Variants in QRICH2 observed in about 807,000 individuals in gnomAD.
QRICH2 encodes the protein glutamine-rich protein 2.
Under a neutral mutation model 168.3 loss-of-function variants are expected in QRICH2, and 119 were observed. The observed-to-expected ratio is 0.71, with a 90% CI of 0.61 to 0.82. QRICH2 has a LOEUF of 0.82. Among genes scored for constraint, QRICH2 ranks in the 40% least tolerant of loss-of-function variants. The pLI is 0.00. For missense variants in QRICH2, 2,241 were observed against 2,491.6 expected, an observed-to-expected ratio of 0.90 and a Z score of 2.14; for synonymous variants, 894 against 951.2, an observed-to-expected ratio of 0.94 and a Z score of 1.11.
rs2070794968 is a variant in QRICH2 at position 76,281,927 on chromosome 17, G to C, written c.4200C>G (p.Leu1400=). The change falls in exon 8 of 19, where the codon CTC becomes CTG. Residue 1400 remains leucine (L), a synonymous_variant. Coordinates refer to ENST00000680821, the MANE Select transcript of QRICH2 (RefSeq NM_001388453.1). The surrounding 1 kb of genome is among the most constrained non-coding windows in gnomAD (Gnocchi z 4.4). ...VSTLVRRYEQ[L]QDMVNSLAVS... ...CGGCCAGGCTGTTGACCATGTCTTG[G>C]AGTTGCTCATAGCGCCGCACCAGCG... 6.2e-7 allele frequency: 1 copy of C among 1,613,764 alleles called. No individual in the cohort carries two copies.
intron 3 of QRICH2, among the ~76,000 whole-genome samples, chr17:76,302,246 C>T (rs1479832201): frequency 6.6e-6 from 1 of 152,038 alleles, no homozygotes; most frequent in Admixed American, 6.6e-5. Flanking sequence ...ACAGGAGTCT[C>T]ATCTGATGCC....
In QRICH2 at chr17:76,292,604, T is replaced by G. The variant is rs757336918; in HGVS notation, c.2123A>C (p.His708Pro). The G allele has an allele frequency of 4.3e-6, 7 of 1,611,712 alleles. No homozygotes were observed. In the Admixed American group the frequency reaches 1.2e-4, roughly 27 times the overall value. ...IDVVQPGADQHGLVQSGADQS... is the reference protein window; with the variant it reads ...IDVVQPGADQPGLVQSGADQS... Reference sequence around the variant, plus strand: ...ATCTGCACCAGATTGTACCAAACCATGCTGATCTGCACCAGGTTGCACCAC... The same window carrying G: ...ATCTGCACCAGATTGTACCAAACCAGGCTGATCTGCACCAGGTTGCACCAC... The change falls in exon 4 of 19, where the codon CAT (histidine) becomes CCT (proline). Residue 708 changes from histidine (H) to proline (P), a missense_variant. His to Pro is a moderately conservative substitution (Grantham distance 77). This residue lies in a region of QRICH2 where 2,047 missense variants were observed against 2,303.8 expected (regional missense o/e 0.89). Transcript: ENST00000680821.
chr17:76,297,874 T>G (rs1196181506), intron 3 of QRICH2, among the ~76,000 whole-genome samples: 1 of 60,418 alleles, frequency 1.7e-5, no homozygotes, highest in South Asian at 7.0e-4. Context: ...GAATCTGTTT[T>G]TTTTTTTTTT....
chr17:76,275,907 G>T lies in QRICH2; in HGVS notation c.5394C>A (p.Pro1798=). Residue 1798 remains proline (P), a synonymous_variant, in exon 18 of 19, where the codon CCC becomes CCA. Transcript: ENST00000680821. ...TGAGGGATGGCGGCCTGTGCACGTG[G>T]GGCCTGGGCTGCTGGGACTTGCGCT... The part of the protein sequence containing the change: ...TSKRKSQQPR[P]HVHRPPSLSS... The T allele has an allele frequency of 1.9e-6, 3 of 1,609,122 alleles. No homozygotes were observed. The South Asian group carries it at 3.3e-5, about 18-fold the overall frequency.
At chr17:76,299,125 G>A (rs1032640862) in intron 3 of QRICH2, among the ~76,000 whole-genome samples, 1 of 152,020 alleles carries the variant, frequency 6.6e-6, no homozygotes, top group African/African-American at 2.4e-5. Context: ...ATTGTTTTCC[G>A]ATCGCCAACC....
chr17:76,278,420 G>A (rs913385883), intron 14 of QRICH2, among the ~76,000 whole-genome samples: 6 of 152,252 alleles, frequency 3.9e-5, no homozygotes, highest in Admixed American at 2.0e-4. Flanking sequence ...ATGGAAGAAA[G>A]CCCTGCTGCC....
intron 1 of QRICH2, among the ~76,000 whole-genome samples, chr17:76,305,190 G>C (rs1043206827): frequency 1.4e-5 from 2 of 142,342 alleles, no homozygotes; most frequent in African/African-American, 2.8e-5. Context: ...TTGAGACAGG[G>C]TCTTGCTCTG....
At position 76,281,009 on chromosome 17, in the gene QRICH2, T is replaced by C; in HGVS notation, c.4264-56A>G. 1.3e-6 allele frequency: 2 copies of C among 1,579,944 alleles called. No individual in the cohort carries two copies. The highest frequency in any genetic ancestry group is 1.7e-6 in the Non-Finnish European group (2 of 1,169,478). On this transcript the variant is annotated intron_variant, in intron 8 of 18. Coordinates refer to ENST00000680821, the MANE Select transcript of QRICH2 (RefSeq NM_001388453.1). The surrounding 1 kb of genome is among the most constrained non-coding windows in gnomAD (Gnocchi z 4.4). The stretch of plus-strand genomic sequence containing the variant: ...AGGCTGCTGGCGCGATCCCACCCCC[T>C]GCTGCCATAATATTGCTGCCCCAGG...
chr17:76,302,978 A>T (rs2070929906), intron 3 of QRICH2, among the ~76,000 whole-genome samples: 1 of 151,582 alleles, frequency 6.6e-6, no homozygotes, highest in Admixed American at 6.6e-5. Flanking sequence ...CCGCCTCCCG[A>T]GTTCAAGCGA....
rs556955779 is a variant in QRICH2 at position 76,275,898 on chromosome 17, G to A, written c.5403C>T (p.His1801=). Residue 1801 remains histidine (H), a synonymous_variant, in exon 18 of 19, where the codon CAC becomes CAT. Coordinates refer to ENST00000680821, the MANE Select transcript of QRICH2 (RefSeq NM_001388453.1). The stretch of plus-strand genomic sequence containing the variant: ...CATTGCTGCTGAGGGATGGCGGCCT[G>A]TGCACGTGGGGCCTGGGCTGCTGGG... The part of the protein sequence containing the change: ...RKSQQPRPHV[H]RPPSLSSNGQ... 7.5e-6 allele frequency: 12 copies of A among 1,609,126 alleles called. No individual in the cohort carries two copies. The East Asian group carries it at 2.2e-4, about 30-fold the overall frequency.
rs952309034 is a variant in QRICH2, at chr17:76,307,038, A to G, written c.534+427T>C. On this transcript the variant is annotated intron_variant, in intron 1 of 18. Transcript: ENST00000680821. The surrounding 1 kb of genome is among the most constrained non-coding windows in gnomAD (Gnocchi z 5.3). ...ATCTCTTCATGTCCTTATTCATTTT[A>G]AAAAGGGAATTCACTCTAAGAATCT... 6.6e-6 allele frequency among the ~76,000 whole-genome samples: 1 copy of G among 152,056 alleles called. No homozygotes were observed. The highest frequency in any genetic ancestry group is 1.5e-5 in the Non-Finnish European group (1 of 68,008).
At chr17:76,295,970 A>G (rs2070786871) in intron 3 of QRICH2, among the ~76,000 whole-genome samples, 1 of 152,158 alleles carries the variant, frequency 6.6e-6, no homozygotes, top group Non-Finnish European at 1.5e-5. Flanking sequence ...CACGCCTGTA[A>G]TCCCAGCACT....
chr17:76,279,651 A>T (rs2070750370), intron 12 of QRICH2, among the ~76,000 whole-genome samples: 1 of 152,040 alleles, frequency 6.6e-6, no homozygotes. Context: ...TGCCCTGTGC[A>T]AGTCTCGGGC....
intron 18 of QRICH2, among the ~76,000 whole-genome samples, chr17:76,275,170 G>T (rs780063936): frequency 1.3e-5 from 2 of 152,190 alleles, no homozygotes; most frequent in Non-Finnish European, 2.9e-5. Flanking sequence ...CAGGAGGAAG[G>T]TCGGCAGCTT....
At position 76,285,678 on chromosome 17, in the gene QRICH2, AT is replaced by A. The variant is rs1468586855; in HGVS notation, c.4011+1513del. ...AGCCTGGCCAACATGGTGAAACCCC[AT>A]TCTCTCCTAAAAATACAAAATTACC... On this transcript the variant is annotated intron_variant, in intron 7 of 18. Transcript: ENST00000680821. Among the ~76,000 whole-genome samples, 179 of 151,040 alleles carry A rather than the reference AT, an allele frequency of 1.2e-3. 1 individual carries two copies. The highest frequency in any genetic ancestry group is 5.3e-4 in the Non-Finnish European group (36 of 67,668).
At chr17:76,305,293 A>G (rs2070974769) in intron 1 of QRICH2, among the ~76,000 whole-genome samples, 1 of 151,412 alleles carries the variant, frequency 6.6e-6, no homozygotes, top group Non-Finnish European at 1.5e-5. Flanking sequence ...CCTCCTGAGT[A>G]GCTGGGACTT....
In QRICH2 at chr17:76,290,067, G is replaced by C. The variant is rs548258520; in HGVS notation, c.3723C>G (p.Thr1241=). ...GCTGCTCCTGCAGTTCAGGAGGTAT[G>C]GTCCTTTTGACTATGGAAAGCAGAA... The part of the protein sequence containing the change: ...QFLLAQMVKR[T]IPPELQEQLK... The change falls in exon 5 of 19, where the codon ACC becomes ACG. Residue 1241 remains threonine, a synonymous_variant. Coordinates refer to ENST00000680821, the MANE Select transcript of QRICH2 (RefSeq NM_001388453.1). The C allele has an allele frequency of 6.2e-7, 1 of 1,611,456 alleles. No individual in the cohort carries two copies. Among genetic ancestry groups the C allele is most frequent in the East Asian group, 2.2e-5 (1 of 44,740 alleles).
At chr17:76,306,574 T>C (rs2070994517) in intron 1 of QRICH2, among the ~76,000 whole-genome samples, 1 of 152,174 alleles carries the variant, frequency 6.6e-6, no homozygotes, top group African/African-American at 2.4e-5. Flanking sequence ...CATGCATTTG[T>C]CCCTCCAAGA....
chr17:76,286,828 T>C (rs951655520), intron 7 of QRICH2, among the ~76,000 whole-genome samples: 6 of 137,262 alleles, frequency 4.4e-5, no homozygotes, highest in Non-Finnish European at 9.1e-5. Flanking sequence ...TGAGCCAAGA[T>C]GGCGACACTG....
Sources: gnomAD v4.1 joint callset for allele counts (sites outside exome capture counted in the v4.1 genomes callset) on GRCh38, gnomAD v4.1.1 for gene constraint, gnomAD v4.1.1 regional missense constraint, Gnocchi (gnomAD v3.1) non-coding constraint, MANE v1.5 for transcripts, NCBI Gene and HGNC (gene_info 2026-07-23, HGNC 2026-07-21) for gene names.